The following HORMAD2 variants were observed in gnomAD, a reference collection of about 807,000 sequenced individuals.
The protein encoded by HORMAD2 is HORMA domain containing 2.
A neutral mutation model predicts 38.8 loss-of-function variants in HORMAD2; 45 were observed. The ratio of observed to expected loss-of-function variants is 1.16; its 90% CI spans 0.91 to 1.49. The LOEUF is 1.49. Among genes scored for constraint, HORMAD2 ranks in the 40% most tolerant of loss-of-function variants. The probability of loss-of-function intolerance (pLI) is 0.00; values close to 1 mark genes in which losing one functional copy is unlikely to be tolerated. For synonymous variants in HORMAD2, 126 were observed against 122.8 expected (o/e 1.03, Z -0.17); for missense variants, 338 against 367.0 (o/e 0.92, Z 0.65).
chr22:30,111,577 T>C (rs1253785423), intron 5 of HORMAD2, among the ~76,000 whole-genome samples: 1 of 152,170 alleles, frequency 6.6e-6, no homozygotes, highest in African/African-American at 2.4e-5. Context: ...GGTACTTGAG[T>C]ACACATGGAT....
the HORMAD2 span, among the ~76,000 whole-genome samples, chr22:30,188,537 A>T: frequency 2.0e-5 from 3 of 152,270 alleles, 1 homozygote; most frequent in Non-Finnish European, 4.4e-5. Flanking sequence ...CTCTCTGGGA[A>T]TTACTTTTGT....
At chr22:30,147,561 C>T (rs781065884) in intron 10 of HORMAD2, among the ~76,000 whole-genome samples, 5 of 151,866 alleles carry the variant, frequency 3.3e-5, no homozygotes, top group Non-Finnish European at 5.9e-5. Context: ...ACTTCTTAGG[C>T]GGTTCCCTAA....
chr22:30,111,938 G>A, intron 6 of HORMAD2, 122 bp downstream of exon 6: 1 of 658,136 alleles, frequency 1.5e-6, no homozygotes. Flanking sequence ...ATCTGTCTTG[G>A]AATTAAAAAC....
chr22:30,085,364 T>C (rs1279405044), intron 1 of HORMAD2, among the ~76,000 whole-genome samples: 1 of 152,180 alleles, frequency 6.6e-6, no homozygotes, highest in African/African-American at 2.4e-5. Flanking sequence ...TTTGCATTAT[T>C]TTGTGAATAC....
At chr22:30,080,768 A>G (rs1385089335) in intron 1 of HORMAD2, among the ~76,000 whole-genome samples, 2 of 151,982 alleles carry the variant, frequency 1.3e-5, no homozygotes, top group African/African-American at 2.4e-5. Flanking sequence ...TGGACATGAA[A>G]TCAAACTTGC....
At chr22:30,136,863 CA>C in intron 10 of HORMAD2, 1 of 376,260 alleles carries the variant, frequency 2.7e-6, no homozygotes, top group Non-Finnish European at 4.9e-6. Flanking sequence ...AACAGATAGG[CA>C]AGCCTTTTCT....
At chr22:30,132,638 CAG>C (rs1392084504) in intron 10 of HORMAD2, among the ~76,000 whole-genome samples, 1 of 151,874 alleles carries the variant, frequency 6.6e-6, no homozygotes, top group Non-Finnish European at 1.5e-5. Flanking sequence ...TTTTGTCAAA[CAG>C]AAAATTATTT....
chr22:30,095,563 T>C (rs1601509738), intron 2 of HORMAD2, among the ~76,000 whole-genome samples: 1 of 152,298 alleles, frequency 6.6e-6, no homozygotes, highest in Middle Eastern at 3.4e-3. Flanking sequence ...GTATTATCCT[T>C]GTAGTATGAA....
intron 10 of HORMAD2, among the ~76,000 whole-genome samples, chr22:30,136,277 A>AT (rs1414733771): frequency 6.6e-6 from 1 of 152,274 alleles, no homozygotes; most frequent in East Asian, 1.9e-4. Context: ...TTTGTACAAC[A>AT]TTTTTTCTGT....
intron 10 of HORMAD2, among the ~76,000 whole-genome samples, chr22:30,172,354 G>A (rs959231020): frequency 6.6e-6 from 1 of 152,156 alleles, no homozygotes; most frequent in Non-Finnish European, 1.5e-5. Context: ...ATTGCCGAAT[G>A]TCTATTTTGG....
rs749914937 is a variant in HORMAD2, at chr22:30,103,501, G to T, written c.257+1G>T. ...CCGGGTCACTGCATATTATCAGATG[G>T]TAAGTAATAGAAATTCTATAAAAGT... On this transcript the variant is annotated splice_donor_variant, in intron 4 of 10. Transcript: ENST00000336726. LOFTEE classifies it high-confidence loss of function. The T allele has an allele frequency of 1.4e-6, 2 of 1,455,510 alleles. No individual in the cohort carries two copies. Among genetic ancestry groups the T allele is most frequent in the Admixed American group, 2.0e-5 (1 of 50,648 alleles). The allele number at this position is 1,455,510 out of a possible 1,614,324, so 90.2% of individuals were successfully genotyped here.
chr22:30,126,115 C>T (rs559126054), intron 10 of HORMAD2, among the ~76,000 whole-genome samples: 2 of 152,250 alleles, frequency 1.3e-5, no homozygotes, highest in African/African-American at 2.4e-5. Flanking sequence ...GACTTCTATT[C>T]GCATAGATTA....
the HORMAD2 span, among the ~76,000 whole-genome samples, chr22:30,198,263 GT>G: frequency 1.3e-5 from 2 of 152,188 alleles, no homozygotes; most frequent in African/African-American, 4.8e-5. Context: ...ATTAACCAGA[GT>G]TTTACACACT....
intron 7 of HORMAD2, among the ~76,000 whole-genome samples, chr22:30,116,932 G>A: frequency 6.6e-6 from 1 of 150,728 alleles, no homozygotes; most frequent in East Asian, 1.9e-4. Flanking sequence ...GCTAAGAGAG[G>A]ACTCTGTTCA....
intron 10 of HORMAD2, among the ~76,000 whole-genome samples, chr22:30,125,216 C>CTTTTTT (rs1167990121): frequency 0.012 from 505 of 43,516 alleles, 33 homozygotes; most frequent in Non-Finnish European, 0.016. Context: ...TTTTTCTTTT[C>CTTTTTT]TTTTTTTTTT....
intron 10 of HORMAD2, among the ~76,000 whole-genome samples, chr22:30,127,710 T>C (rs932923227): frequency 2.6e-5 from 4 of 152,228 alleles, no homozygotes; most frequent in African/African-American, 7.2e-5. Flanking sequence ...CTTCCATAAA[T>C]GTATAGACAT....
chr22:30,081,254 T>C (rs2068468259), intron 1 of HORMAD2: 1 of 152,222 alleles, frequency 6.6e-6, no homozygotes, highest in African/African-American at 2.4e-5. Flanking sequence ...CATCAATCTG[T>C]TGAGGTAGGA....
intron 1 of HORMAD2, among the ~76,000 whole-genome samples, chr22:30,088,002 C>T (rs1048744655): frequency 2.1e-5 from 3 of 141,026 alleles, no homozygotes; most frequent in Non-Finnish European, 4.5e-5. Context: ...TATATACACA[C>T]ACATACATAT....
chr22:30,203,508 A>G, the HORMAD2 span, among the ~76,000 whole-genome samples: 3 of 151,994 alleles, frequency 2.0e-5, no homozygotes, highest in Non-Finnish European at 4.4e-5. Context: ...CCCACTGTCC[A>G]TCCTTCCCCT....
Sources: gnomAD v4.1 joint callset for allele counts (sites outside exome capture counted in the v4.1 genomes callset) on GRCh38, gnomAD v4.1.1 for gene constraint, MANE v1.5 for transcripts, NCBI Gene and HGNC (gene_info 2026-07-23, HGNC 2026-07-21) for gene names.